The following KCNN2 variants were observed in gnomAD, a reference collection of about 807,000 sequenced individuals.
The protein encoded by KCNN2 is potassium calcium-activated channel subfamily N member 2.
Under a neutral mutation model 55.5 loss-of-function variants are expected in KCNN2, and 24 were observed. That is an observed-to-expected ratio of 0.43 (90% CI 0.31 to 0.61). The LOEUF is 0.61. Ranked by LOEUF, KCNN2 falls within the 20% of genes least tolerant of loss-of-function variation. The pLI is 0.08. For missense variants in KCNN2, 754 were observed against 853.6 expected, an observed-to-expected ratio of 0.88 and a Z score of 1.45; for synonymous variants, 431 against 336.1, an observed-to-expected ratio of 1.28 and a Z score of -3.09.
chr5:114,063,250 G>C (rs538499816), intron 1 of KCNN2, among the ~76,000 whole-genome samples: 26 of 152,342 alleles, frequency 1.7e-4, no homozygotes, highest in African/African-American at 5.8e-4. Context: ...TATCATGTAT[G>C]TGTCTGCAGC....
Position 114,240,374 on chromosome 5 carries a change from C to T in KCNN2, c.-185+18809C>T, listed in dbSNP as rs374604937. ...ACATGATAGAAAAACATATAAAAAT[C>T]TACTGTTAATATTATATTTTAAAAA... On this transcript the variant is annotated intron_variant, in intron 2 of 10. Transcript: ENST00000512097. Among the ~76,000 whole-genome samples, 13 of 150,662 alleles carry T rather than the reference C, an allele frequency of 8.6e-5. No homozygotes were observed. In the East Asian group the frequency reaches 2.1e-3, roughly 25 times the overall value.
At chr5:114,074,294 G>A (rs7444305) in intron 1 of KCNN2, among the ~76,000 whole-genome samples, 9 of 17,966 alleles carry the variant, frequency 5.0e-4, no homozygotes, top group African/African-American at 3.0e-3. Flanking sequence ...CCATGTTTGC[G>A]TGTGTGTGTG....
intron 1 of KCNN2, among the ~76,000 whole-genome samples, chr5:114,098,074 T>G (rs578122670): frequency 6.6e-6 from 1 of 152,242 alleles, no homozygotes; most frequent in Non-Finnish European, 1.5e-5. Flanking sequence ...CTTTTCTAGT[T>G]TCTAGAGGCT....
intron 1 of KCNN2, among the ~76,000 whole-genome samples, chr5:114,108,487 A>G (rs1179249281): frequency 1.3e-5 from 2 of 152,114 alleles, no homozygotes; most frequent in Non-Finnish European, 2.9e-5. Flanking sequence ...AAGATTTAGA[A>G]TATTTTCATT....
chr5:114,187,753 G>T (rs187491159), intron 1 of KCNN2, among the ~76,000 whole-genome samples: 56 of 151,166 alleles, frequency 3.7e-4, no homozygotes, highest in Admixed American at 1.1e-3. Flanking sequence ...AGATCCACCC[G>T]CCTCGGCCTC....
At chr5:114,486,536 C>T in intron 5 of KCNN2, 2 of 286,292 alleles carry the variant, frequency 7.0e-6, no homozygotes, top group South Asian at 6.4e-5. Flanking sequence ...TACTAACAAG[C>T]ATACAAATTG....
At chr5:114,363,561 G>C (rs577851165) in intron 1 of KCNN2, among the ~76,000 whole-genome samples, 3 of 152,284 alleles carry the variant, frequency 2.0e-5, no homozygotes, top group Non-Finnish European at 2.9e-5. Flanking sequence ...ATCCCCTCGT[G>C]AATTATGTTT....
chr5:114,392,112 T>C (rs1427207584), intron 2 of KCNN2, among the ~76,000 whole-genome samples: 2 of 152,208 alleles, frequency 1.3e-5, no homozygotes, highest in Non-Finnish European at 2.9e-5. Context: ...AAATTGATAT[T>C]TCTGTAGTGC....
chr5:114,372,967 G>A (rs1314976110), intron 2 of KCNN2, among the ~76,000 whole-genome samples: 3 of 152,090 alleles, frequency 2.0e-5, no homozygotes, highest in African/African-American at 4.8e-5. Context: ...ACTTTTGTGA[G>A]CATCTCTTGT....
At chr5:114,198,489 T>G (rs1460734511) in intron 1 of KCNN2, among the ~76,000 whole-genome samples, 2 of 132,960 alleles carry the variant, frequency 1.5e-5, no homozygotes, top group Non-Finnish European at 3.4e-5. Flanking sequence ...CACACACATT[T>G]TCTTTATTCA....
intron 2 of KCNN2, among the ~76,000 whole-genome samples, chr5:114,301,206 T>G (rs1756151462): frequency 6.6e-6 from 1 of 152,302 alleles, no homozygotes; most frequent in African/African-American, 2.4e-5. Context: ...AGATTTACTG[T>G]TTATTAGCTC....
At chr5:114,228,478 C>T (rs1318858056) in intron 2 of KCNN2, among the ~76,000 whole-genome samples, 3 of 152,006 alleles carry the variant, frequency 2.0e-5, no homozygotes, top group Non-Finnish European at 2.9e-5. Context: ...AACCATCTAT[C>T]TAATTTTTTG....
chr5:114,222,781 C>G lies in KCNN2; in HGVS notation c.-185+1216C>G, dbSNP rs1218082757. Among the ~76,000 whole-genome samples, 3 of 152,236 alleles carry G rather than the reference C, an allele frequency of 2.0e-5. No homozygotes were observed. In the East Asian group the frequency reaches 5.8e-4, roughly 29 times the overall value. On this transcript the variant is annotated intron_variant, in intron 2 of 10. Coordinates refer to the KCNN2 transcript ENST00000512097. Reference sequence around the variant, plus strand: ...TGATCTTGGTCTCAAAATAGGCCTTCACTTGGTACTTCCTAATAAGTCAGC... The same window carrying G: ...TGATCTTGGTCTCAAAATAGGCCTTGACTTGGTACTTCCTAATAAGTCAGC...
intron 2 of KCNN2, among the ~76,000 whole-genome samples, chr5:114,381,286 C>A (rs1462371652): frequency 6.6e-6 from 1 of 152,146 alleles, no homozygotes; most frequent in Non-Finnish European, 1.5e-5. Flanking sequence ...AATGAAATGG[C>A]TGGCAGTACA....
At chr5:114,475,787 T>C (rs1200440740) in intron 5 of KCNN2, among the ~76,000 whole-genome samples, 2 of 152,078 alleles carry the variant, frequency 1.3e-5, no homozygotes, top group African/African-American at 4.8e-5. Context: ...TCTAGATCTA[T>C]GGATTTTGGT....
chr5:114,140,367 C>T (rs1752252293), intron 1 of KCNN2, among the ~76,000 whole-genome samples: 1 of 152,162 alleles, frequency 6.6e-6, no homozygotes, highest in African/African-American at 2.4e-5. Context: ...GCTGCTTTGC[C>T]TTCTACACCC....
intron 2 of KCNN2, among the ~76,000 whole-genome samples, chr5:114,235,312 G>T (rs538717896): frequency 6.6e-5 from 10 of 152,244 alleles, no homozygotes; most frequent in African/African-American, 2.4e-4. Flanking sequence ...TTGAGGGTGA[G>T]AAAGGACAAT....
Position 114,177,657 on chromosome 5 carries a change from C to T in KCNN2, c.-270-43823C>T, listed in dbSNP as rs56378668. Among the ~76,000 whole-genome samples the T allele has an allele frequency of 3.8e-3, 583 of 151,582 alleles. 3 individuals carry two copies. The highest frequency in any genetic ancestry group is 6.3e-3 in the Non-Finnish European group (431 of 67,902). ...AACAGATATTTAATAAATATATTAA[C>T]AATAATAATAATTACAGCATTTTTA... On this transcript the variant is annotated intron_variant, in intron 1 of 10. Transcript: ENST00000512097.
intron 3 of KCNN2, among the ~76,000 whole-genome samples, chr5:114,412,082 A>G (rs1759153477): frequency 2.0e-5 from 3 of 152,202 alleles, no homozygotes; most frequent in African/African-American, 7.2e-5. Context: ...CTCATTTTGT[A>G]ACTAGACAGA....
Sources: allele counts gnomAD v4.1 joint callset (sites outside exome capture counted in the v4.1 genomes callset), GRCh38; gene constraint gnomAD v4.1.1; transcripts MANE v1.5; gene names NCBI Gene and HGNC (gene_info 2026-07-23, HGNC 2026-07-21).